Variants in BZW1 observed in about 807,000 individuals in gnomAD.
BZW1 encodes basic leucine zipper and W2 domains 1, also known as eIF5-mimic protein 2.
Under a neutral mutation model 54.1 loss-of-function variants are expected in BZW1, and 3 were observed. The ratio of observed to expected loss-of-function variants is 0.06; its 90% CI spans 0.03 to 0.14. The LOEUF (loss-of-function observed/expected upper bound fraction) is 0.14. Among genes scored for constraint, BZW1 ranks in the 10% least tolerant of loss-of-function variants. The pLI is 1.00. For missense variants in BZW1, 206 were observed against 491.7 expected (o/e 0.42, Z 5.50); for synonymous variants, 152 against 162.7 (o/e 0.93, Z 0.50).
At chr2:200,812,593 G>T (rs2038117300) in intron 1 of BZW1, 3 of 1,389,500 alleles carry the variant, frequency 2.2e-6, no homozygotes, top group Non-Finnish European at 1.9e-6. Flanking sequence ...GGGAGGCATG[G>T]GAAGGGTGTG....
At chr2:200,819,039 T>A (rs1202877860) in intron 9 of BZW1, 138 bp downstream of exon 9, 1 of 959,006 alleles carries the variant, frequency 1.0e-6, no homozygotes, top group East Asian at 3.0e-5. Flanking sequence ...AAACAAATAG[T>A]AACATTAGCT....
intron 2 of BZW1, 76 bp from the exon 3 acceptor site, chr2:200,815,265 C>T (rs1390706249): frequency 1.0e-5 from 14 of 1,391,082 alleles, no homozygotes; most frequent in Middle Eastern, 1.9e-4. Flanking sequence ...ACAATTGCAT[C>T]TTCATAAGGT....
intron 2 of BZW1, among the ~76,000 whole-genome samples, 166 bp from the exon 3 acceptor site, chr2:200,815,175 A>C (rs1328942833): frequency 1.3e-5 from 2 of 152,266 alleles, no homozygotes; most frequent in Non-Finnish European, 2.9e-5. Flanking sequence ...AAGTTGCACA[A>C]TTCTTGTGAG....
At chr2:200,820,683 CAAAA>C (rs1176605993) in intron 10 of BZW1, among the ~76,000 whole-genome samples, 4 of 144,144 alleles carry the variant, frequency 2.8e-5, no homozygotes, top group African/African-American at 1.0e-4. Context: ...GACCCTGTTT[CAAAA>C]AAAAAAAATC....
rs1225160829 is a variant in BZW1 at position 200,823,750 on chromosome 2, A to G, written c.*1572A>G. ...TGCACAGGCAAAATGTATTCACTAGATTTCTACGTAGTGATCTGCTTTTAC... is the reference window on the plus strand; with the variant it reads ...TGCACAGGCAAAATGTATTCACTAGGTTTCTACGTAGTGATCTGCTTTTAC... On this transcript the variant is annotated 3_prime_UTR_variant, in exon 12 of 12. Coordinates refer to ENST00000409600, the MANE Select transcript of BZW1 (RefSeq NM_001207067.2). 6.6e-6 allele frequency: 1 copy of G among 152,214 alleles called. No individual in the cohort carries two copies. The highest frequency in any genetic ancestry group is 1.5e-5 in the Non-Finnish European group (1 of 67,914). The allele number at this position is 152,214 out of a possible 1,614,324, so 9.4% of individuals were successfully genotyped here. A position where few individuals can be genotyped will look rare whatever the true frequency, so the allele number is the denominator to read the frequency against.
At chr2:200,812,086 T>A (rs891057447) in intron 1 of BZW1, 96 bp downstream of exon 1, 9 of 555,158 alleles carry the variant, frequency 1.6e-5, no homozygotes, top group Non-Finnish European at 2.1e-5. Flanking sequence ...GCGGCCCGGC[T>A]TGGATGGGCC....
chr2:200,826,493 C>T lies in BZW1; in HGVS notation c.*4315C>T, dbSNP rs777749997. 3 of 135,266 alleles carry T rather than the reference C, an allele frequency of 2.2e-5. No individual in the cohort carries two copies. The highest frequency in any genetic ancestry group is 2.4e-4 in the South Asian group (1 of 4,170). 8.4% of individuals were successfully genotyped at this position (135,266 alleles called of 1,614,324 possible). A position where few individuals can be genotyped will look rare whatever the true frequency, so the allele number is the denominator to read the frequency against. On this transcript the variant is annotated 3_prime_UTR_variant, in exon 12 of 12. Transcript: ENST00000409600. ...AGGCGGGAGTGCAGTGGCACAATCT[C>T]GGCTCACTGCAAGCTCCGCCTTGGG...
chr2:200,826,407 ATTTTTTTTTTTTTTTTTTTTT>A lies in BZW1; in HGVS notation c.*4244_*4264del, dbSNP rs374592876. 2 of 54,946 alleles carry A rather than the reference ATTTTTTTTTTTTTTTTTTTTT, an allele frequency of 3.6e-5. No individual in the cohort carries two copies. Among genetic ancestry groups the A allele is most frequent in the African/African-American group, 8.5e-5 (1 of 11,752 alleles). 3.4% of individuals were successfully genotyped at this position (54,946 alleles called of 1,614,324 possible). On this transcript the variant is annotated 3_prime_UTR_variant, in exon 12 of 12. Transcript: ENST00000409600. ...TAGATAGATAGATAGATAGATAGATATTTTTTTTTTTTTTTTTTTTTTTTTTTTTTTTTTTGAGACAGAGTC... is the reference window on the plus strand; with the variant it reads ...TAGATAGATAGATAGATAGATAGATATTTTTTTTTTTTTTGAGACAGAGTC...
intron 4 of BZW1, 85 bp downstream of exon 4, chr2:200,815,846 G>A (rs1021212696): frequency 1.6e-6 from 2 of 1,275,206 alleles, no homozygotes; most frequent in Non-Finnish European, 1.1e-6. Context: ...AAGAGTTGTG[G>A]TTAGAAAGTT....
intron 11 of BZW1, 136 bp from the exon 12 acceptor site, chr2:200,822,009 CAG>C (rs2038540478): frequency 4.6e-5 from 33 of 719,812 alleles, no homozygotes; most frequent in Non-Finnish European, 7.6e-5. Flanking sequence ...GCAGAGGTTG[CAG>C]TGAGCCAAGA....
intron 8 of BZW1, 74 bp from the exon 9 acceptor site, chr2:200,818,681 G>C: frequency 6.8e-7 from 1 of 1,480,880 alleles, no homozygotes; most frequent in Non-Finnish European, 9.1e-7. Context: ...TTTTGTTAAA[G>C]GTCTAAACTT....
chr2:200,825,644 T>G lies in BZW1; in HGVS notation c.*3466T>G, dbSNP rs1309884658. 1.3e-5 allele frequency: 2 copies of G among 152,224 alleles called. No individual in the cohort carries two copies. Among genetic ancestry groups the G allele is most frequent in the African/African-American group, 2.4e-5 (1 of 41,462 alleles). The allele number at this position is 152,224 out of a possible 1,614,324, so 9.4% of individuals were successfully genotyped here. A position where few individuals can be genotyped will look rare whatever the true frequency, so the allele number is the denominator to read the frequency against. On this transcript the variant is annotated 3_prime_UTR_variant, in exon 12 of 12. Coordinates refer to ENST00000409600, the MANE Select transcript of BZW1 (RefSeq NM_001207067.2). ...AGGTCTTAACAGATTCTTTCTTGATTATAAATGTATTACTAAGTAGAATCA... is the reference window on the plus strand; with the variant it reads ...AGGTCTTAACAGATTCTTTCTTGATGATAAATGTATTACTAAGTAGAATCA...
chr2:200,816,312 A>G lies in BZW1; in HGVS notation c.337-13A>G. 4.5e-6 allele frequency: 7 copies of G among 1,562,864 alleles called. No homozygotes were observed. The highest frequency in any genetic ancestry group is 6.1e-6 in the Non-Finnish European group (7 of 1,143,198). ...TATATGAAGTTACTGAATTCATTTA[A>G]TGTTCTTCATAGGTTTTTAACAAGT... On this transcript the variant is annotated splice_polypyrimidine_tract_variant and intron_variant, in intron 4 of 11. Coordinates refer to ENST00000409600, the MANE Select transcript of BZW1 (RefSeq NM_001207067.2).
rs754829860 is a variant in BZW1 at position 200,817,075 on chromosome 2, T to G, written c.403-31T>G. On this transcript the variant is annotated intron_variant, in intron 5 of 11. Transcript: ENST00000409600. ...TTCTCTTATTGTAATGCAGTTGCTG[T>G]TTTAACCCTTAATTGTTTTACTTTT... The G allele has an allele frequency of 2.5e-6, 4 of 1,607,994 alleles. No homozygotes were observed. The South Asian group carries it at 4.4e-5, about 18-fold the overall frequency.
In BZW1 at chr2:200,826,393, A is replaced by ATAGATAGAT. The variant is rs1414543444; in HGVS notation, c.*4216_*4224dup. 8.8e-6 allele frequency: 1 copy of ATAGATAGAT among 113,134 alleles called. No individual in the cohort carries two copies. The highest frequency in any genetic ancestry group is 3.6e-5 in the African/African-American group (1 of 27,848). 7.0% of individuals were successfully genotyped at this position (113,134 alleles called of 1,614,324 possible). On this transcript the variant is annotated 3_prime_UTR_variant, in exon 12 of 12. Transcript: ENST00000409600. ...AAGATATAGATAGATAGATAGATAG[A>ATAGATAGAT]TAGATAGATAGATATTTTTTTTTTT...
intron 4 of BZW1, 139 bp from the exon 5 acceptor site, chr2:200,816,186 C>T (rs186448547): frequency 7.6e-6 from 4 of 527,286 alleles, no homozygotes; most frequent in East Asian, 3.1e-5. Context: ...TACATCTAAC[C>T]TGGACATTCT....
Position 200,823,570 on chromosome 2 carries a change from T to G in BZW1, c.*1392T>G, listed in dbSNP as rs145445048. On this transcript the variant is annotated 3_prime_UTR_variant, in exon 12 of 12. Coordinates refer to ENST00000409600, the MANE Select transcript of BZW1 (RefSeq NM_001207067.2). ...GCCCCTTTTGAAGGTGCCATTCTTA[T>G]GAGCCAAAAGTTTGTCATTTAAAAG... 1.3e-5 allele frequency: 2 copies of G among 152,518 alleles called. No individual in the cohort carries two copies. Among genetic ancestry groups the G allele is most frequent in the Non-Finnish European group, 2.9e-5 (2 of 68,012 alleles). 9.4% of individuals were successfully genotyped at this position (152,518 alleles called of 1,614,324 possible).
At chr2:200,813,722 T>C (rs548763881) in intron 2 of BZW1, among the ~76,000 whole-genome samples, 8 of 152,224 alleles carry the variant, frequency 5.3e-5, no homozygotes, top group Non-Finnish European at 1.2e-4. Flanking sequence ...GGATTCACAT[T>C]GTAATGTCTT....
At chr2:200,821,396 C>T in intron 11 of BZW1, 91 bp downstream of exon 11, 1 of 1,488,422 alleles carries the variant, frequency 6.7e-7, no homozygotes, top group Non-Finnish European at 9.1e-7. Flanking sequence ...CTTTCTGATG[C>T]CATTTTGTAC....
Sources: allele counts gnomAD v4.1 joint callset (sites outside exome capture counted in the v4.1 genomes callset), GRCh38; gene constraint gnomAD v4.1.1; transcripts MANE v1.5; gene names NCBI Gene and HGNC (gene_info 2026-07-23, HGNC 2026-07-21).